The following MGAT4C variants were observed in gnomAD, a reference collection of about 807,000 sequenced individuals.
MGAT4C encodes alpha-1,3-mannosyl-glycoprotein 4-beta-N-acetylglucosaminyltransferase C.
MGAT4C carries 19 observed loss-of-function variants against 40.1 expected under a neutral mutation model. That is an observed-to-expected ratio of 0.47 (90% CI 0.33 to 0.70). The LOEUF (loss-of-function observed/expected upper bound fraction) is 0.70. Among genes scored for constraint, MGAT4C ranks in the 30% least tolerant of loss-of-function variants. The probability of loss-of-function intolerance (pLI) is 0.02; values close to 1 mark genes in which losing one functional copy is unlikely to be tolerated. For synonymous variants in MGAT4C, 181 were observed against 187.1 expected (o/e 0.97, Z 0.27); for missense variants, 491 against 563.2 (o/e 0.87, Z 1.30).
chr12:86,826,312 T>C (rs2130177), intron 1 of MGAT4C, among the ~76,000 whole-genome samples: 1 of 151,090 alleles, frequency 6.6e-6, no homozygotes, highest in African/African-American at 2.4e-5. Context: ...GCTTAGTTTA[T>C]GTCATGAGGT....
At chr12:86,237,313 A>T (rs1450123772) in intron 1 of MGAT4C, among the ~76,000 whole-genome samples, 1 of 151,792 alleles carries the variant, frequency 6.6e-6, no homozygotes, top group African/African-American at 2.4e-5. Context: ...ACGTTTTCTT[A>T]TCAATAAAAT....
intron 1 of MGAT4C, among the ~76,000 whole-genome samples, chr12:86,181,330 G>A (rs975694772): frequency 2.0e-5 from 3 of 151,920 alleles, no homozygotes; most frequent in Non-Finnish European, 4.4e-5. Flanking sequence ...ATATTTTGAT[G>A]GTAACTTAAC....
intron 1 of MGAT4C, among the ~76,000 whole-genome samples, chr12:86,126,914 G>A (rs1168852432): frequency 6.6e-6 from 1 of 152,138 alleles, no homozygotes; most frequent in Non-Finnish European, 1.5e-5. Context: ...AGCGGGGATG[G>A]TTTCAGGATG....
intron 2 of MGAT4C, among the ~76,000 whole-genome samples, chr12:86,550,963 A>T (rs1485084920): frequency 6.6e-6 from 1 of 152,178 alleles, no homozygotes; most frequent in Non-Finnish European, 1.5e-5. Flanking sequence ...GGCCGGGGAA[A>T]CAGCCGTGCC....
intron 1 of MGAT4C, among the ~76,000 whole-genome samples, chr12:86,114,884 A>T (rs2135660683): frequency 6.6e-6 from 1 of 152,098 alleles, no homozygotes; most frequent in Non-Finnish European, 1.5e-5. Context: ...TTTGGTGACA[A>T]GAAAGCTACT....
chr12:86,318,977 C>T (rs990896699), intron 4 of MGAT4C, among the ~76,000 whole-genome samples: 14 of 152,098 alleles, frequency 9.2e-5, no homozygotes, highest in Non-Finnish European at 1.5e-4. Context: ...TTTTCCCACT[C>T]TTCTCATTTT....
At chr12:86,013,842 A>G (rs898342579) in intron 2 of MGAT4C, 5 of 784,928 alleles carry the variant, frequency 6.4e-6, no homozygotes, top group Admixed American at 1.3e-4. Flanking sequence ...CCATCATTCT[A>G]TTCAAGCTTT....
upstream of MGAT4C, among the ~76,000 whole-genome samples, chr12:86,259,627 A>G (rs1952613610): frequency 1.3e-5 from 2 of 149,630 alleles, no homozygotes; most frequent in South Asian, 4.2e-4. Context: ...ACGTTGTCTC[A>G]TTATTTATTA....
intron 3 of MGAT4C, among the ~76,000 whole-genome samples, chr12:86,382,340 T>C (rs1592768116): frequency 6.6e-6 from 1 of 152,170 alleles, no homozygotes; most frequent in South Asian, 2.1e-4. Context: ...TAGAGAAAGA[T>C]GATTTAGGGT....
intron 2 of MGAT4C, among the ~76,000 whole-genome samples, chr12:86,511,498 G>A (rs367578687): frequency 6.6e-6 from 1 of 151,924 alleles, no homozygotes; most frequent in African/African-American, 2.4e-5. Context: ...AAATGTAACT[G>A]ACATGTTTTA....
At chr12:86,005,039 G>A (rs551321672) in intron 2 of MGAT4C, among the ~76,000 whole-genome samples, 14 of 152,186 alleles carry the variant, frequency 9.2e-5, no homozygotes, top group South Asian at 4.1e-4. Context: ...GCATCATCTC[G>A]TTGTAAGATC....
intron 2 of MGAT4C, among the ~76,000 whole-genome samples, chr12:86,611,388 ATAGGTAGGTAGG>A (rs150541086): frequency 1.1e-4 from 17 of 148,222 alleles, no homozygotes; most frequent in South Asian, 2.1e-4. Flanking sequence ...GGTCCCATAG[ATAGGTAGGTAGG>A]TAGGTAGGTA....
At chr12:86,312,511 C>T (rs1291172817) in intron 4 of MGAT4C, among the ~76,000 whole-genome samples, 1 of 152,178 alleles carries the variant, frequency 6.6e-6, no homozygotes, top group African/African-American at 2.4e-5. Flanking sequence ...GGGCAAGTTA[C>T]TCAACCTTCC....
chr12:86,009,987 T>A (rs990385513), intron 2 of MGAT4C, among the ~76,000 whole-genome samples: 3 of 152,208 alleles, frequency 2.0e-5, no homozygotes, highest in African/African-American at 7.2e-5. Flanking sequence ...ACTCAAGAAT[T>A]ACTGAAGAAA....
At chr12:86,298,670 T>C (rs1002635652) in intron 4 of MGAT4C, among the ~76,000 whole-genome samples, 1 of 152,154 alleles carries the variant, frequency 6.6e-6, no homozygotes, top group Admixed American at 6.5e-5. Context: ...TTTTAATGAA[T>C]TTTTAAAATT....
chr12:86,405,971 A>AGG (rs1259657024), intron 3 of MGAT4C, among the ~76,000 whole-genome samples: 1 of 108,812 alleles, frequency 9.2e-6, no homozygotes, highest in Non-Finnish European at 2.0e-5. Context: ...TATTATACAT[A>AGG]TATATATATA....
At chr12:86,807,498 AC>A (rs543541257) in intron 1 of MGAT4C, among the ~76,000 whole-genome samples, 37 of 152,112 alleles carry the variant, frequency 2.4e-4, no homozygotes, top group Non-Finnish European at 4.6e-4. Flanking sequence ...GTGTATATGT[AC>A]CACATTTTTT....
At chr12:86,115,396 A>G (rs1878242251) in intron 1 of MGAT4C, among the ~76,000 whole-genome samples, 1 of 152,028 alleles carries the variant, frequency 6.6e-6, no homozygotes, top group Non-Finnish European at 1.5e-5. Flanking sequence ...GGATAATTTA[A>G]TGATACAATA....
chr12:86,659,644 AG>A (rs1322812067), intron 2 of MGAT4C, among the ~76,000 whole-genome samples: 1 of 152,116 alleles, frequency 6.6e-6, no homozygotes, highest in Non-Finnish European at 1.5e-5. Flanking sequence ...AATAACAAAA[AG>A]AACTAGGGTT....
Sources: gnomAD v4.1 joint callset for allele counts (sites outside exome capture counted in the v4.1 genomes callset) on GRCh38, gnomAD v4.1.1 for gene constraint, MANE v1.5 for transcripts, NCBI Gene and HGNC (gene_info 2026-07-23, HGNC 2026-07-21) for gene names.